Variants in PER1 observed in about 807,000 individuals in gnomAD.
PER1 encodes period circadian regulator 1.
In PER1, 87 loss-of-function variants were observed where a neutral mutation model predicts 125.9. The observed-to-expected ratio is 0.69, with a 90% CI of 0.58 to 0.83. The LOEUF (loss-of-function observed/expected upper bound fraction) is 0.83, where lower values mean the gene tolerates loss of function less well. Ranked by LOEUF, PER1 falls within the 40% of genes least tolerant of loss-of-function variation. PER1 has a pLI of 0.00. For missense variants in PER1, 1,775 were observed against 1,722.8 expected (o/e 1.03, Z -0.54); for synonymous variants, 801 against 714.7 (o/e 1.12, Z -1.93).
chr17:8,142,923 A>G, intron 19 of PER1, 88 bp from the exon 20 acceptor site: 3 of 1,001,280 alleles, frequency 3.0e-6, no homozygotes, highest in Non-Finnish European at 4.4e-6. Context: ...GGGGAGAGGC[A>G]CATCCAACCC....
intron 20 of PER1, 48 bp from the exon 21 acceptor site, chr17:8,142,506 C>T (rs1982147029): frequency 2.6e-6 from 4 of 1,548,800 alleles, no homozygotes; most frequent in Non-Finnish European, 3.5e-6. Flanking sequence ...GCTGCATGCC[C>T]ACTCCTGGGA....
chr17:8,146,861 G>A, intron 14 of PER1, 36 bp downstream of exon 14: 1 of 1,608,036 alleles, frequency 6.2e-7, no homozygotes, highest in East Asian at 2.2e-5. Context: ...GACCCCCCAG[G>A]TCTGTCTCTT....
Position 8,149,619 on chromosome 17 carries a change from G to A in PER1, c.696C>T (p.Val232=), listed in dbSNP as rs755479578. 1 of 1,612,058 alleles carries A rather than the reference G, an allele frequency of 6.2e-7. No individual in the cohort carries two copies. The highest frequency in any genetic ancestry group is 8.5e-7 in the Non-Finnish European group (1 of 1,178,234). The change falls in exon 6 of 23, where the codon GTC becomes GTT. Residue 232 remains valine (V), a synonymous_variant. Transcript: ENST00000317276. ...VAVSFLTGRI[V]YISEQAAVLL... is the part of the protein sequence containing the mutation. Reference sequence around the variant, plus strand: ...GGACGGCTGCCTGCTCCGAAATGTAGACGATTCGGCCCGTCAGGAAGGAGA... The same window carrying A: ...GGACGGCTGCCTGCTCCGAAATGTAAACGATTCGGCCCGTCAGGAAGGAGA...
Position 8,148,001 on chromosome 17 carries a change from C to T in PER1, c.1230G>A (p.Lys410=). ...EDRPLMLAIH[K]KILQLAGQPF... ...AGCAGGGCGAGAGGAACTCACTCTTCTTGTGGATAGCCAGCATGAGGGGTC... is the reference window on the plus strand; with the variant it reads ...AGCAGGGCGAGAGGAACTCACTCTTTTTGTGGATAGCCAGCATGAGGGGTC... Residue 410 remains lysine, a synonymous_variant, in exon 10 of 23, where the codon AAG becomes AAA. Transcript: ENST00000317276. 1.2e-6 allele frequency: 2 copies of T among 1,611,908 alleles called. No homozygotes were observed. The highest frequency in any genetic ancestry group is 2.2e-5 in the South Asian group (2 of 90,786).
At chr17:8,147,962 C>G (rs561239627) in intron 10 of PER1, 35 bp downstream of exon 10, 38 of 1,595,556 alleles carry the variant, frequency 2.4e-5, no homozygotes, top group South Asian at 4.5e-5. Context: ...AAGCCCAGGA[C>G]AGTGGGAAGG....
At chr17:8,144,324 T>A (rs905076812) in intron 18 of PER1, 4 of 412,276 alleles carry the variant, frequency 9.7e-6, no homozygotes, top group African/African-American at 8.2e-5. Context: ...GAGTCCTGCG[T>A]CTGCCTGCAG....
At position 8,148,708 on chromosome 17, in the gene PER1, T is replaced by G. The variant is rs1256408225; in HGVS notation, c.984A>C (p.Ser328=). 1.2e-6 allele frequency: 2 copies of G among 1,613,708 alleles called. No individual in the cohort carries two copies. Among genetic ancestry groups the G allele is most frequent in the South Asian group, 1.1e-5 (1 of 91,046 alleles). The change falls in exon 8 of 23, where the codon TCA becomes TCC. Residue 328 remains serine, a synonymous_variant. Coordinates refer to ENST00000317276, the MANE Select transcript of PER1 (RefSeq NM_002616.3). ...LTPYVTKIRV[S]DGAPAQPCCL... ...AGCACGGCTGTGCAGGGGCCCCATC[T>G]GAGACCCGGATCTTGGTCACATACG...
rs1199551991 is a variant in PER1 at position 8,149,280 on chromosome 17, T to C, written c.884A>G (p.Lys295Arg). 1.2e-6 allele frequency: 2 copies of C among 1,613,910 alleles called. No homozygotes were observed. The highest frequency in any genetic ancestry group is 1.7e-6 in the Non-Finnish European group (2 of 1,179,956). The change falls in exon 7 of 23, where the codon AAG (lysine) becomes AGG (arginine). Residue 295 changes from lysine (K) to arginine (R), a missense_variant. By Grantham distance (26) the Lys-to-Arg change is conservative. Transcript: ENST00000317276. ...CTACCTGATACGGCAGAAGACGGACTTCTCCTGGGTAAAGTCCCTGAGGCC... is the reference window on the plus strand; with the variant it reads ...CTACCTGATACGGCAGAAGACGGACCTCTCCTGGGTAAAGTCCCTGAGGCC... ...GSGLRDFTQE[K>R]SVFCRIRGGP...
chr17:8,146,744 T>C lies in PER1; in HGVS notation c.1757A>G (p.Lys586Arg), dbSNP rs910781775. ...RLPATGTFKA[K>R]ALPCQSPDPE... Reference sequence around the variant, plus strand: ...GTCTGGGGATTGGCAGGGAAGGGCCTTGGCCTTGAACGTGCCTGTAGCTGG... The same window carrying C: ...GTCTGGGGATTGGCAGGGAAGGGCCCTGGCCTTGAACGTGCCTGTAGCTGG... The change falls in exon 15 of 23, where the codon AAG becomes AGG. Residue 586 changes from lysine to arginine, a missense_variant. Physicochemically the swap from Lys to Arg is conservative, Grantham distance 26. Coordinates refer to ENST00000317276, the MANE Select transcript of PER1 (RefSeq NM_002616.3). 6.2e-7 allele frequency: 1 copy of C among 1,613,410 alleles called. No individual in the cohort carries two copies. The highest frequency in any genetic ancestry group is 8.5e-7 in the Non-Finnish European group (1 of 1,179,764).
chr17:8,142,565 G>A (rs1982149792), intron 20 of PER1, 84 bp downstream of exon 20: 1 of 1,569,914 alleles, frequency 6.4e-7, no homozygotes, highest in South Asian at 1.2e-5. Flanking sequence ...AGTGGCCTTA[G>A]GAAGCTCCGC....
At chr17:8,150,359 G>A (rs1982777918) in intron 2 of PER1, 42 bp from the exon 3 acceptor site, 3 of 1,554,536 alleles carry the variant, frequency 1.9e-6, no homozygotes, top group East Asian at 4.5e-5. Context: ...AGGGCCAGCA[G>A]TGCGAGGCCT....
At chr17:8,145,067 G>A (rs1982344735) in intron 17 of PER1, 74 bp from the exon 18 acceptor site, 3 of 1,351,090 alleles carry the variant, frequency 2.2e-6, no homozygotes, top group Non-Finnish European at 2.9e-6. Flanking sequence ...CACCCTCCCT[G>A]TCTGATAGCC....
chr17:8,142,194 C>A lies in PER1; in HGVS notation c.3449+75G>T, dbSNP rs3027197. On this transcript the variant is annotated intron_variant, in intron 21 of 22. Transcript: ENST00000317276. ...AACGTTTATCCTATCCAGGGCAGAG[C>A]CAGCCCCAGAAAAGAAAACTGCCCC... The A allele has an allele frequency of 1.9e-3, 2,361 of 1,270,130 alleles. 28 individuals carry two copies. The East Asian group carries it at 0.034, about 19-fold the overall frequency. 78.7% of individuals were successfully genotyped at this position (1,270,130 alleles called of 1,614,324 possible). A position where few individuals can be genotyped will look rare whatever the true frequency, so the allele number is the denominator to read the frequency against.
At position 8,145,011 on chromosome 17, in the gene PER1, G is replaced by A. The variant is rs1208012301; in HGVS notation, c.2219-18C>T. On this transcript the variant is annotated intron_variant, in intron 17 of 22. Transcript: ENST00000317276. ...GATGATGTCTGAGGAGAGTGAGATA[G>A]GGAAAGGTCATCAGAACCACTTCAG... is the stretch of plus-strand genomic sequence containing the variant. 1.4e-6 allele frequency: 2 copies of A among 1,451,930 alleles called. No homozygotes were observed. Among genetic ancestry groups the A allele is most frequent in the Non-Finnish European group, 1.8e-6 (2 of 1,099,516 alleles). 89.9% of individuals were successfully genotyped at this position (1,451,930 alleles called of 1,614,324 possible). A position where few individuals can be genotyped will look rare whatever the true frequency, so the allele number is the denominator to read the frequency against.
rs1006689827 is a variant in PER1 at position 8,150,827 on chromosome 17, G to A, written c.-121C>T. 6.5e-6 allele frequency: 6 copies of A among 926,526 alleles called. No individual in the cohort carries two copies. Among genetic ancestry groups the A allele is most frequent in the Non-Finnish European group, 7.9e-6 (5 of 633,978 alleles). The allele number at this position is 926,526 out of a possible 1,614,324, so 57.4% of individuals were successfully genotyped here. A position where few individuals can be genotyped will look rare whatever the true frequency, so the allele number is the denominator to read the frequency against. ...GATCTAAGTCTCTGAGGGTTGAGAA[G>A]TTCGATCACAGCCAGTACCTGGAGA... On this transcript the variant is annotated 5_prime_UTR_variant, in exon 2 of 23. Coordinates refer to ENST00000317276, the MANE Select transcript of PER1 (RefSeq NM_002616.3).
In PER1 at chr17:8,146,742, C is replaced by G. The variant is rs367828864; in HGVS notation, c.1759G>C (p.Ala587Pro). ...LPATGTFKAK[A>P]LPCQSPDPEL... ...GGGTCTGGGGATTGGCAGGGAAGGG[C>G]CTTGGCCTTGAACGTGCCTGTAGCT... The change falls in exon 15 of 23, where the codon GCC (alanine) becomes CCC (proline). Residue 587 changes from alanine to proline, a missense_variant. Coordinates refer to ENST00000317276, the MANE Select transcript of PER1 (RefSeq NM_002616.3). The G allele has an allele frequency of 3.1e-6, 5 of 1,613,434 alleles. No individual in the cohort carries two copies. Among genetic ancestry groups the G allele is most frequent in the Middle Eastern group, 1.7e-4 (1 of 6,054 alleles).
Position 8,149,278 on chromosome 17 carries a change from A to C in PER1, c.886T>G (p.Ser296Ala). 6.2e-7 allele frequency: 1 copy of C among 1,613,742 alleles called. No individual in the cohort carries two copies. The highest frequency in any genetic ancestry group is 8.5e-7 in the Non-Finnish European group (1 of 1,179,896). ...SGLRDFTQEKSVFCRIRGGPD... is the reference protein window; with the variant it reads ...SGLRDFTQEKAVFCRIRGGPD... ...ACCTACCTGATACGGCAGAAGACGGACTTCTCCTGGGTAAAGTCCCTGAGG... is the reference window on the plus strand; with the variant it reads ...ACCTACCTGATACGGCAGAAGACGGCCTTCTCCTGGGTAAAGTCCCTGAGG... The change falls in exon 7 of 23, where the codon TCC becomes GCC. Residue 296 changes from serine (S) to alanine (A), a missense_variant. Transcript: ENST00000317276.
rs1243696224 is a variant in PER1 at position 8,144,774 on chromosome 17, G to A, written c.2438C>T (p.Ala813Val). The change falls in exon 18 of 23, where the codon GCT (alanine) becomes GTT (valine). Residue 813 changes from alanine to valine, a missense_variant. Ala to Val is a moderately conservative substitution (Grantham distance 64, BLOSUM62 0). Coordinates refer to ENST00000317276, the MANE Select transcript of PER1 (RefSeq NM_002616.3). Reference protein sequence around the residue: ...RLRGLDSSSTAPSALGERGCH... With the variant: ...RLRGLDSSSTVPSALGERGCH... ...ACCTCGCTCGCCAAGGGCTGAGGGAGCTGTGGAAGAGCTGTCGAGTCCACG... is the reference window on the plus strand; with the variant it reads ...ACCTCGCTCGCCAAGGGCTGAGGGAACTGTGGAAGAGCTGTCGAGTCCACG... 1.3e-6 allele frequency: 2 copies of A among 1,579,484 alleles called. No individual in the cohort carries two copies. Among genetic ancestry groups the A allele is most frequent in the South Asian group, 2.3e-5 (2 of 86,212 alleles).
At position 8,146,933 on chromosome 17, in the gene PER1, A is replaced by G. The variant is rs769188051; in HGVS notation, c.1699T>C (p.Ser567Pro). Residue 567 changes from serine to proline, a missense_variant, in exon 14 of 23, where the codon TCT becomes CCT. Ser to Pro is a moderately conservative substitution (Grantham distance 74, BLOSUM62 -1). Transcript: ENST00000317276. ...GGCCGGGACTGAGGCCGGGCCCGAG[A>G]CTCAATAAAAAGCTGCTGGCCCTGG... ...KHQGQQLFIE[S>P]RARPQSRPRL... 6.2e-7 allele frequency: 1 copy of G among 1,614,026 alleles called. No individual in the cohort carries two copies. Among genetic ancestry groups the G allele is most frequent in the Non-Finnish European group, 8.5e-7 (1 of 1,179,956 alleles).
Sources: gnomAD v4.1 joint callset for allele counts on GRCh38, gnomAD v4.1.1 for gene constraint, MANE v1.5 for transcripts, NCBI Gene and HGNC (gene_info 2026-07-23, HGNC 2026-07-21) for gene names.